Variants in DNAAF6 observed in about 807,000 individuals in gnomAD.
The protein encoded by DNAAF6 is PIH1 domain containing 3.
DNAAF6 carries 3 observed loss-of-function variants against 13.7 expected under a neutral mutation model. The observed-to-expected ratio is 0.22, with a 90% CI of 0.10 to 0.56. DNAAF6 has a LOEUF of 0.56. DNAAF6 is among the 20% of genes least tolerant of loss of function. The pLI is 0.92. For synonymous variants in DNAAF6, 54 were observed against 49.2 expected, an observed-to-expected ratio of 1.10 and a Z score of -0.41; for missense variants, 130 against 151.0, an observed-to-expected ratio of 0.86 and a Z score of 0.73.
At chrX:107,233,212 A>G (rs929751194) in intron 5 of DNAAF6, among the ~76,000 whole-genome samples, 1 of 111,991 alleles carries the variant, frequency 8.9e-6, no homozygotes, top group African/African-American at 3.2e-5. Context: ...GTGTAAGAAC[A>G]TGAGTTTTTA....
At chrX:107,228,152 A>G (rs1279210901) in intron 5 of DNAAF6, among the ~76,000 whole-genome samples, 6 of 111,728 alleles carry the variant, frequency 5.4e-5, no homozygotes, top group Admixed American at 9.6e-5. Flanking sequence ...AAGGATATTC[A>G]GAGATGGGAG....
rs184806627 is a variant in DNAAF6, at chrX:107,237,042, T to G, written c.430-1880T>G. 2.8e-3 allele frequency among the ~76,000 whole-genome samples: 309 copies of G among 112,144 alleles called. 1 individual carries two copies. The highest frequency in any genetic ancestry group is 8.3e-3 in the African/African-American group (257 of 30,953). ...AAATATAAATTAGGAGGCAATTTTT[T>G]GTTGAATGAAAATGTTAACCGTAGT... On this transcript the variant is annotated intron_variant, in intron 5 of 6. Transcript: ENST00000372453.
At chrX:107,216,977 A>G (rs1839538084) in intron 3 of DNAAF6, among the ~76,000 whole-genome samples, 2 of 111,449 alleles carry the variant, frequency 1.8e-5, no homozygotes, top group African/African-American at 6.5e-5. Context: ...TCCACTGTGT[A>G]TACATATTTC....
At chrX:107,235,313 C>T (rs1230250669) in intron 5 of DNAAF6, among the ~76,000 whole-genome samples, 1 of 111,644 alleles carries the variant, frequency 9.0e-6, no homozygotes, top group East Asian at 2.8e-4. Context: ...AACCAGCTTC[C>T]AGCATGGCAC....
At chrX:107,216,537 A>T in intron 2 of DNAAF6, 134 bp from the exon 3 acceptor site, 1 of 397,992 alleles carries the variant, frequency 2.5e-6, no homozygotes, top group East Asian at 4.3e-5. Flanking sequence ...TCTGTTTTAT[A>T]ACAATGATGG....
At chrX:107,226,249 T>C (rs2147832882) in intron 5 of DNAAF6, among the ~76,000 whole-genome samples, 1 of 112,170 alleles carries the variant, frequency 8.9e-6, no homozygotes, top group Admixed American at 9.5e-5. Context: ...CTTGGTGACA[T>C]ATATGCTTTT....
At chrX:107,215,442 G>A (rs982680925) in intron 2 of DNAAF6, among the ~76,000 whole-genome samples, 1 of 110,371 alleles carries the variant, frequency 9.1e-6, no homozygotes, top group Non-Finnish European at 1.9e-5. Context: ...CATGACATTA[G>A]TGATTAAAAA....
chrX:107,211,201 GT>G (rs1927847327), intron 1 of DNAAF6, among the ~76,000 whole-genome samples: 1 of 111,688 alleles, frequency 9.0e-6, no homozygotes, highest in Non-Finnish European at 1.9e-5. Flanking sequence ...AATTTTGAAT[GT>G]TTTTTTCTAA....
At chrX:107,212,273 G>A (rs777650193) in intron 1 of DNAAF6, among the ~76,000 whole-genome samples, 5 of 110,788 alleles carry the variant, frequency 4.5e-5, no homozygotes, top group Non-Finnish European at 3.8e-5. Flanking sequence ...GAAAGCCACC[G>A]ACACAGTGCC....
At chrX:107,232,507 T>G (rs1395252471) in intron 5 of DNAAF6, among the ~76,000 whole-genome samples, 1 of 112,259 alleles carries the variant, frequency 8.9e-6, no homozygotes, top group Non-Finnish European at 1.9e-5. Context: ...TCACAGAGCT[T>G]ACCTTATTGT....
chrX:107,242,186 T>G (rs1928637783), intron 6 of DNAAF6, among the ~76,000 whole-genome samples: 1 of 111,989 alleles, frequency 8.9e-6, no homozygotes, highest in Non-Finnish European at 1.9e-5. Context: ...CACAGAAAAT[T>G]TATCCTTCAG....
At chrX:107,232,890 G>T (rs192679029) in intron 5 of DNAAF6, among the ~76,000 whole-genome samples, 168 of 110,076 alleles carry the variant, frequency 1.5e-3, no homozygotes, top group Non-Finnish European at 1.7e-3. Context: ...GTACAGGCGC[G>T]CACCACCATG....
At chrX:107,224,640 A>T (rs1928215952) in intron 5 of DNAAF6, among the ~76,000 whole-genome samples, 1 of 110,683 alleles carries the variant, frequency 9.0e-6, no homozygotes, top group Non-Finnish European at 1.9e-5. Flanking sequence ...GGAGTTGGAA[A>T]TGTGGGGATG....
intron 5 of DNAAF6, among the ~76,000 whole-genome samples, chrX:107,235,758 T>C (rs1928498618): frequency 9.2e-6 from 1 of 108,347 alleles, no homozygotes; most frequent in Non-Finnish European, 1.9e-5. Context: ...TAATAAATGT[T>C]TATTGTTGTT....
At chrX:107,225,952 T>A (rs981463942) in intron 5 of DNAAF6, among the ~76,000 whole-genome samples, 7 of 112,136 alleles carry the variant, frequency 6.2e-5, no homozygotes, top group Non-Finnish European at 9.4e-5. Flanking sequence ...AGGTTTGTTT[T>A]GTTTTGTTTC....
chrX:107,238,091 G>A (rs1928558701), intron 5 of DNAAF6, among the ~76,000 whole-genome samples: 1 of 112,310 alleles, frequency 8.9e-6, no homozygotes, highest in African/African-American at 3.2e-5. Context: ...TTAGCATAAT[G>A]TTTTCAGGAT....
At chrX:107,225,660 A>G (rs893003644) in intron 5 of DNAAF6, among the ~76,000 whole-genome samples, 1 of 111,687 alleles carries the variant, frequency 9.0e-6, no homozygotes, top group African/African-American at 3.3e-5. Flanking sequence ...GGGTTTAAAA[A>G]TTCACAAGGA....
chrX:107,210,565 C>T (rs1253482056), intron 1 of DNAAF6, among the ~76,000 whole-genome samples: 1 of 110,034 alleles, frequency 9.1e-6, no homozygotes, highest in Non-Finnish European at 1.9e-5. Flanking sequence ...ACCACAGGGG[C>T]ACACCACCGC....
Position 107,219,448 on chromosome X carries a change from T to C in DNAAF6, c.332+479T>C, listed in dbSNP as rs1243609456. 3.6e-5 allele frequency among the ~76,000 whole-genome samples: 4 copies of C among 111,808 alleles called. No homozygotes were observed. In the East Asian group the frequency reaches 8.4e-4, roughly 23 times the overall value. Reference sequence around the variant, plus strand: ...AGATATTCTAAGATTATATTTAGTGTTCAGTGTATTTTGCAAGCAGGGTTC... The same window carrying C: ...AGATATTCTAAGATTATATTTAGTGCTCAGTGTATTTTGCAAGCAGGGTTC... On this transcript the variant is annotated intron_variant, in intron 4 of 6. Transcript: ENST00000372453.
Sources: allele counts gnomAD v4.1 joint callset (sites outside exome capture counted in the v4.1 genomes callset), GRCh38; gene constraint gnomAD v4.1.1; transcripts MANE v1.5; gene names NCBI Gene and HGNC (gene_info 2026-07-23, HGNC 2026-07-21).